Variants in RO60 observed in about 807,000 individuals in gnomAD.
RO60 encodes Ro60, Y RNA binding protein.
A neutral mutation model predicts 55.3 loss-of-function variants in RO60; 20 were observed. The observed-to-expected ratio is 0.36, with a 90% CI of 0.25 to 0.53. The LOEUF is 0.53. Ranked by LOEUF, RO60 falls within the 20% of genes least tolerant of loss-of-function variation. The pLI, the probability that RO60 is intolerant of heterozygous loss-of-function variation, is 0.92. For missense variants in RO60, 558 were observed against 646.6 expected (o/e 0.86, Z 1.49); for synonymous variants, 213 against 213.6 (o/e 1.00, Z 0.02).
chr1:193,082,992 A>G lies in RO60; in HGVS notation c.1464+284A>G, dbSNP rs527548770. Reference sequence around the variant, plus strand: ...GGCTGGTCTCAAACTCCTAGGCTCAAGCGATTCTCCAGCCTTGGCTTCCCA... The same window carrying G: ...GGCTGGTCTCAAACTCCTAGGCTCAGGCGATTCTCCAGCCTTGGCTTCCCA... On this transcript the variant is annotated intron_variant, in intron 8 of 8. Coordinates refer to ENST00000400968, the MANE Select transcript of RO60 (RefSeq NM_001173524.2). Among the ~76,000 whole-genome samples the G allele has an allele frequency of 1.7e-3, 266 of 152,134 alleles. 1 individual carries two copies. The highest frequency in any genetic ancestry group is 3.1e-3 in the Non-Finnish European group (209 of 67,988).
chr1:193,066,979 C>G (rs1421191247), intron 1 of RO60, among the ~76,000 whole-genome samples: 1 of 151,916 alleles, frequency 6.6e-6, no homozygotes, highest in East Asian at 1.9e-4. Context: ...CTTGCTCACT[C>G]ACTTTTCCAC....
chr1:193,071,765 GTA>G (rs949064388), intron 2 of RO60, among the ~76,000 whole-genome samples: 1 of 147,718 alleles, frequency 6.8e-6, no homozygotes. Context: ...GTATAATATA[GTA>G]TATATAATAT....
At chr1:193,071,068 TC>T (rs1186650784) in intron 2 of RO60, among the ~76,000 whole-genome samples, 2 of 152,190 alleles carry the variant, frequency 1.3e-5, no homozygotes, top group Non-Finnish European at 2.9e-5. Flanking sequence ...ATGAAACTGT[TC>T]CACCTCAGAT....
intron 2 of RO60, among the ~76,000 whole-genome samples, chr1:193,070,897 A>G (rs959599766): frequency 6.6e-6 from 1 of 152,192 alleles, no homozygotes; most frequent in African/African-American, 2.4e-5. Context: ...ATTAGATTAC[A>G]TGTTTTAAAA....
intron 1 of RO60, among the ~76,000 whole-genome samples, chr1:193,060,856 C>A (rs1405775916): frequency 6.6e-6 from 1 of 152,160 alleles, no homozygotes; most frequent in Non-Finnish European, 1.5e-5. Context: ...TTAAGAGGCA[C>A]AGAGTCCAGA....
intron 1 of RO60, among the ~76,000 whole-genome samples, chr1:193,068,367 G>T (rs1038026013): frequency 3.3e-5 from 5 of 152,226 alleles, no homozygotes; most frequent in Non-Finnish European, 5.9e-5. Context: ...TAATTTTGAT[G>T]TACATTGAGT....
chr1:193,068,482 G>A (rs1243803982), intron 1 of RO60, among the ~76,000 whole-genome samples: 1 of 152,160 alleles, frequency 6.6e-6, no homozygotes, highest in African/African-American at 2.4e-5. Context: ...AAGAGAGAAG[G>A]GGGAAGAATG....
intron 2 of RO60, among the ~76,000 whole-genome samples, chr1:193,070,796 CTT>C (rs775493877): frequency 5.3e-5 from 8 of 152,138 alleles, no homozygotes; most frequent in Non-Finnish European, 1.0e-4. Context: ...TAATTCCTGA[CTT>C]ATTTTTTAAC....
At position 193,075,986 on chromosome 1, in the gene RO60, A is replaced by G. The variant is rs768663781; in HGVS notation, c.747A>G (p.Glu249=). The part of the protein sequence containing the change: ...RDELEVIHLI[E]EHRLVREHLL... ...AGCTAGAAGTCATTCATCTAATAGAAGAACATAGATTAGTTAGAGAACATC... is the reference window on the plus strand; with the variant it reads ...AGCTAGAAGTCATTCATCTAATAGAGGAACATAGATTAGTTAGAGAACATC... Residue 249 remains glutamate (E), a synonymous_variant, in exon 3 of 9, where the codon GAA becomes GAG. Transcript: ENST00000400968. 3.7e-6 allele frequency: 6 copies of G among 1,612,922 alleles called. No homozygotes were observed. The East Asian group carries it at 1.3e-4, about 36-fold the overall frequency.
At chr1:193,068,665 A>C (rs1043106317) in intron 1 of RO60, among the ~76,000 whole-genome samples, 3 of 152,198 alleles carry the variant, frequency 2.0e-5, no homozygotes, top group Non-Finnish European at 4.4e-5. Context: ...TATCTCAAAA[A>C]TGTGACGCCT....
intron 1 of RO60, among the ~76,000 whole-genome samples, chr1:193,064,219 A>C (rs1284400460): frequency 6.6e-6 from 1 of 152,232 alleles, no homozygotes; most frequent in African/African-American, 2.4e-5. Flanking sequence ...TTAAATCATT[A>C]GCTACATGGC....
intron 5 of RO60, among the ~76,000 whole-genome samples, chr1:193,079,524 A>T (rs1674154282): frequency 6.6e-6 from 1 of 152,222 alleles, no homozygotes; most frequent in South Asian, 2.1e-4. Context: ...AAATACAAGA[A>T]TTAGTTCAAA....
At chr1:193,077,143 A>AT (rs1411953371) in intron 5 of RO60, 93 bp downstream of exon 5, 3 of 1,229,082 alleles carry the variant, frequency 2.4e-6, no homozygotes, top group Non-Finnish European at 3.3e-6. Flanking sequence ...TAGTTTAATC[A>AT]TTTTTTAATT....
chr1:193,074,629 A>G (rs1279115549), intron 2 of RO60, among the ~76,000 whole-genome samples: 3 of 152,152 alleles, frequency 2.0e-5, no homozygotes, highest in Non-Finnish European at 4.4e-5. Context: ...GATTCTGGAT[A>G]TTAGCCCCTT....
intron 2 of RO60, among the ~76,000 whole-genome samples, chr1:193,075,135 GT>G: frequency 6.6e-6 from 1 of 152,228 alleles, no homozygotes; most frequent in Admixed American, 6.5e-5. Flanking sequence ...AATCCCTGCT[GT>G]TTTACAGAAG....
At chr1:193,082,777 T>C in intron 8 of RO60, 69 bp downstream of exon 8, 1 of 1,401,590 alleles carries the variant, frequency 7.1e-7, no homozygotes, top group Non-Finnish European at 9.6e-7. Flanking sequence ...TTTTTTTTTT[T>C]TTTTGGAGAC....
intron 3 of RO60, 74 bp downstream of exon 3, chr1:193,076,114 G>T: frequency 1.1e-6 from 1 of 945,936 alleles, no homozygotes; most frequent in East Asian, 2.7e-5. Context: ...GATAAACTTG[G>T]GGTAGCTATA....
At chr1:193,080,649 A>C (rs1311085366) in intron 5 of RO60, among the ~76,000 whole-genome samples, 1 of 152,232 alleles carries the variant, frequency 6.6e-6, no homozygotes, top group African/African-American at 2.4e-5. Flanking sequence ...GATAAGCAAA[A>C]TGTGGTATAT....
chr1:193,061,248 C>G (rs948972427), intron 1 of RO60, among the ~76,000 whole-genome samples: 2 of 152,218 alleles, frequency 1.3e-5, no homozygotes, highest in Non-Finnish European at 2.9e-5. Flanking sequence ...CCTTCCTCAT[C>G]AGTTTTTATA....
Sources: allele counts gnomAD v4.1 joint callset (sites outside exome capture counted in the v4.1 genomes callset), GRCh38; gene constraint gnomAD v4.1.1; transcripts MANE v1.5; gene names NCBI Gene and HGNC (gene_info 2026-07-23, HGNC 2026-07-21).